TBC1D5: variants seen among roughly 807,000 people sequenced by gnomAD.
TBC1D5 encodes TBC1 domain family, member 5.
TBC1D5 carries 75 observed loss-of-function variants against 100.3 expected under a neutral mutation model. The ratio of observed to expected loss-of-function variants is 0.75; its 90% CI spans 0.62 to 0.91. The LOEUF (loss-of-function observed/expected upper bound fraction) is 0.91, where lower values mean the gene tolerates loss of function less well. Among genes scored for constraint, TBC1D5 ranks in the 40% least tolerant of loss-of-function variants. The probability of loss-of-function intolerance (pLI) is 0.00; values close to 1 mark genes in which losing one functional copy is unlikely to be tolerated. For missense variants in TBC1D5, 910 were observed against 942.4 expected (o/e 0.97, Z 0.45); for synonymous variants, 323 against 325.6 (o/e 0.99, Z 0.09).
At chr3:17,405,016 A>C in intron 5 of TBC1D5, 55 bp from the exon 6 acceptor site, 1 of 1,048,292 alleles carries the variant, frequency 9.5e-7, no homozygotes, top group Non-Finnish European at 1.4e-6. Flanking sequence ...TAAAATGTGA[A>C]ACTATGCCAA....
chr3:17,201,348 C>G (rs988385851), intron 18 of TBC1D5, among the ~76,000 whole-genome samples: 1 of 152,206 alleles, frequency 6.6e-6, no homozygotes, highest in African/African-American at 2.4e-5. Context: ...CCTGGGTTGT[C>G]TCTTTCTCCC....
intron 19 of TBC1D5, among the ~76,000 whole-genome samples, chr3:17,176,353 T>C (rs1385575408): frequency 1.6e-4 from 25 of 152,224 alleles, no homozygotes; most frequent in Non-Finnish European, 1.5e-5. Flanking sequence ...TTAAATGCTC[T>C]ACCAGGAATG....
intron 18 of TBC1D5, among the ~76,000 whole-genome samples, chr3:17,191,462 C>A (rs1374423526): frequency 1.3e-5 from 2 of 152,134 alleles, no homozygotes; most frequent in Non-Finnish European, 2.9e-5. Context: ...ATTATGAATG[C>A]ATGCAAGAAT....
intron 1 of TBC1D5, among the ~76,000 whole-genome samples, chr3:17,653,078 A>G (rs1233232333): frequency 6.6e-6 from 1 of 152,168 alleles, no homozygotes; most frequent in Non-Finnish European, 1.5e-5. Flanking sequence ...CTTACATGAA[A>G]TATCTATATT....
intron 2 of TBC1D5, among the ~76,000 whole-genome samples, chr3:17,525,091 C>A (rs2096115378): frequency 6.6e-6 from 1 of 152,098 alleles, no homozygotes; most frequent in African/African-American, 2.4e-5. Context: ...GAGGAATTCT[C>A]CAACTGTATA....
intron 12 of TBC1D5, among the ~76,000 whole-genome samples, 189 bp downstream of exon 12, chr3:17,374,282 C>G (rs1242920583): frequency 6.6e-6 from 1 of 151,998 alleles, no homozygotes; most frequent in Non-Finnish European, 1.5e-5. Flanking sequence ...TTTACAATTG[C>G]CTTTGTGTAT....
intron 9 of TBC1D5, among the ~76,000 whole-genome samples, chr3:17,380,067 G>GTT (rs1236427540): frequency 6.7e-6 from 1 of 149,494 alleles, no homozygotes; most frequent in Non-Finnish European, 1.5e-5. Flanking sequence ...GTGTGTGTGT[G>GTT]TGTGTGTGTG....
chr3:17,166,661 A>G (rs1424943890), intron 21 of TBC1D5, 106 bp downstream of exon 22: 4 of 1,453,310 alleles, frequency 2.8e-6, no homozygotes, highest in Non-Finnish European at 3.7e-6. Flanking sequence ...AACTTCATAC[A>G]TGGTAATTTG....
chr3:17,386,738 T>C (rs539296780), intron 8 of TBC1D5, among the ~76,000 whole-genome samples: 71 of 152,298 alleles, frequency 4.7e-4, no homozygotes, highest in African/African-American at 1.6e-3. Context: ...TCTCTGAGCC[T>C]ACTCTGACTC....
chr3:17,296,868 T>C (rs770199061), intron 14 of TBC1D5, among the ~76,000 whole-genome samples: 13 of 152,232 alleles, frequency 8.5e-5, no homozygotes, highest in Non-Finnish European at 1.8e-4. Flanking sequence ...ATTTCACTTT[T>C]AGGAAAGAGG....
intron 3 of TBC1D5, among the ~76,000 whole-genome samples, chr3:17,501,203 AT>A (rs1158187343): frequency 1.3e-5 from 2 of 148,730 alleles, no homozygotes; most frequent in East Asian, 1.9e-4. Context: ...TCTAGGGTGA[AT>A]TTTTTATTAG....
intron 15 of TBC1D5, among the ~76,000 whole-genome samples, chr3:17,262,246 G>T (rs2149489004): frequency 6.6e-6 from 1 of 152,258 alleles, no homozygotes; most frequent in East Asian, 1.9e-4. Flanking sequence ...AACCTGTACA[G>T]CATGTTACTG....
intron 18 of TBC1D5, among the ~76,000 whole-genome samples, chr3:17,190,232 T>C (rs1394048560): frequency 6.6e-6 from 1 of 152,158 alleles, no homozygotes; most frequent in Non-Finnish European, 1.5e-5. Flanking sequence ...GACTAAAACA[T>C]GGCCACTGAA....
At position 17,660,076 on chromosome 3, in the gene TBC1D5, C is replaced by A. The variant is rs1169117642; in HGVS notation, c.-100-36163G>T. ...CAATCTCCTTACACTTTACCTGTGT[C>A]AGGCAATATTTACAATTTTTCCAAT... is the stretch of plus-strand genomic sequence containing the variant. On this transcript the variant is annotated intron_variant, in intron 1 of 21. Transcript: ENST00000253692. Among the ~76,000 whole-genome samples, 11 of 152,108 alleles carry A rather than the reference C, an allele frequency of 7.2e-5. No homozygotes were observed. The South Asian group carries it at 2.3e-3, about 31-fold the overall frequency.
chr3:17,486,629 G>T (rs866909732), intron 3 of TBC1D5, among the ~76,000 whole-genome samples: 2 of 152,168 alleles, frequency 1.3e-5, no homozygotes, highest in African/African-American at 4.8e-5. Flanking sequence ...AACTTTTGCA[G>T]ATCTCTGAAA....
Position 17,187,856 on chromosome 3 carries a change from T to G in TBC1D5, c.1753-2648A>C, listed in dbSNP as rs115872697. The stretch of plus-strand genomic sequence containing the variant: ...TGGACCAAGGGCACAAGGAATGCAG[T>G]GCTTCTTGGCTTAAAAACTTCTCCT... On this transcript the variant is annotated intron_variant, in intron 18 of 21. Coordinates refer to ENST00000253692, the Ensembl canonical transcript of TBC1D5. Among the ~76,000 whole-genome samples the G allele has an allele frequency of 5.5e-3, 838 of 152,340 alleles. 9 individuals carry two copies. Among genetic ancestry groups the G allele is most frequent in the African/African-American group, 0.019 (786 of 41,584 alleles).
intron 1 of TBC1D5, among the ~76,000 whole-genome samples, chr3:17,692,265 T>G (rs1220164573): frequency 1.3e-5 from 2 of 152,122 alleles, no homozygotes; most frequent in African/African-American, 4.8e-5. Flanking sequence ...CTAATTTTTG[T>G]ATTTTTAGTA....
intron 3 of TBC1D5, among the ~76,000 whole-genome samples, chr3:17,441,986 AAAAAAC>A (rs2094669665): frequency 7.9e-6 from 1 of 127,302 alleles, no homozygotes. Flanking sequence ...GCAAAATACA[AAAAAAC>A]AAAAACAAAA....
chr3:17,653,540 G>T (rs1253444026), intron 1 of TBC1D5, among the ~76,000 whole-genome samples: 10 of 152,012 alleles, frequency 6.6e-5, no homozygotes, highest in African/African-American at 2.4e-4. Flanking sequence ...GGTCATGAAA[G>T]ACAAGGAATG....
Sources: allele counts gnomAD v4.1 joint callset (sites outside exome capture counted in the v4.1 genomes callset), GRCh38; gene constraint gnomAD v4.1.1; transcripts MANE v1.5; gene names NCBI Gene and HGNC (gene_info 2026-07-23, HGNC 2026-07-21).